The following ABCA12 variants were observed in gnomAD, a reference collection of about 807,000 sequenced individuals.
ABCA12 encodes the protein ATP binding cassette subfamily A member 12.
A neutral mutation model predicts 293.5 loss-of-function variants in ABCA12; 156 were observed. That is an observed-to-expected ratio of 0.53 (90% CI 0.47 to 0.61). The LOEUF is 0.61. Ranked by LOEUF, ABCA12 falls within the 20% of genes least tolerant of loss-of-function variation. The pLI is 0.00. For missense variants in ABCA12, 2,797 were observed against 3,090.2 expected (o/e 0.91, Z 2.25); for synonymous variants, 1,063 against 1,108.0 (o/e 0.96, Z 0.81).
At chr2:215,089,618 A>T (rs1440842469) in intron 2 of ABCA12, among the ~76,000 whole-genome samples, 6 of 152,218 alleles carry the variant, frequency 3.9e-5, no homozygotes, top group African/African-American at 1.4e-4. Flanking sequence ...TTAACAGTGG[A>T]GGTCGCTAAA....
chr2:214,982,533 T>A, intron 29 of ABCA12, 150 bp from the exon 30 acceptor site: 1 of 635,680 alleles, frequency 1.6e-6, no homozygotes, highest in South Asian at 2.2e-5. Flanking sequence ...ATAATATAGT[T>A]TTCTATTATT....
chr2:215,069,842 T>C (rs543830380), intron 2 of ABCA12, among the ~76,000 whole-genome samples: 1 of 152,218 alleles, frequency 6.6e-6, no homozygotes, highest in East Asian at 1.9e-4. Flanking sequence ...CCTAGTAAAA[T>C]TGCGTCTTTT....
chr2:214,967,813 A>G (rs370383137), intron 38 of ABCA12, among the ~76,000 whole-genome samples: 1 of 152,154 alleles, frequency 6.6e-6, no homozygotes, highest in Non-Finnish European at 1.5e-5. Flanking sequence ...TCATCATGAA[A>G]TGGACATTAG....
intron 3 of ABCA12, among the ~76,000 whole-genome samples, chr2:215,055,145 C>G (rs1701395094): frequency 6.6e-6 from 1 of 151,978 alleles, no homozygotes; most frequent in Non-Finnish European, 1.5e-5. Context: ...AGAGAAAGGC[C>G]AAACATTTAT....
intron 20 of ABCA12, among the ~76,000 whole-genome samples, chr2:215,002,845 T>C (rs1700172681): frequency 6.6e-6 from 1 of 152,222 alleles, no homozygotes. Context: ...ACATGTGTAA[T>C]TATACAAACA....
chr2:214,961,672 T>G (rs1394308802), intron 39 of ABCA12: 2 of 152,164 alleles, frequency 1.3e-5, no homozygotes, highest in East Asian at 3.8e-4. Flanking sequence ...TCCAGTAGTA[T>G]TTCACACCGG....
intron 39 of ABCA12, among the ~76,000 whole-genome samples, chr2:214,965,764 C>T (rs971419608): frequency 3.3e-5 from 5 of 152,080 alleles, no homozygotes; most frequent in Admixed American, 2.6e-4. Context: ...GAAAAAGGAG[C>T]ACTTTTACAC....
chr2:214,978,412 G>C lies in ABCA12; in HGVS notation c.5032C>G (p.His1678Asp). 6.2e-7 allele frequency: 1 copy of C among 1,613,836 alleles called. No homozygotes were observed. The highest frequency in any genetic ancestry group is 8.5e-7 in the Non-Finnish European group (1 of 1,179,848). Residue 1678 changes from histidine to aspartate, a missense_variant, in exon 33 of 53, where the codon CAC becomes GAC. Coordinates refer to ENST00000272895, the MANE Select transcript of ABCA12 (RefSeq NM_173076.3). ...TTCCCAATTTTCTTTTGTGTTAAGT[G>C]CTCAAGACTCATAGCACTATTTTTT... ...SQKNSAMSLEHLTQKKIGNSN... is the reference protein window; with the variant it reads ...SQKNSAMSLEDLTQKKIGNSN...
intron 1 of ABCA12, among the ~76,000 whole-genome samples, chr2:215,137,664 T>C (rs946777734): frequency 6.6e-6 from 1 of 152,258 alleles, no homozygotes; most frequent in Non-Finnish European, 1.5e-5. Context: ...GTAGCTTTTC[T>C]ATACTAATAG....
intron 6 of ABCA12, among the ~76,000 whole-genome samples, chr2:215,048,926 C>A (rs921311474): frequency 1.3e-5 from 2 of 152,148 alleles, no homozygotes; most frequent in Non-Finnish European, 2.9e-5. Flanking sequence ...ACTGCATTTT[C>A]TCACTTATAA....
At position 215,019,524 on chromosome 2, in the gene ABCA12, C is replaced by T. The variant is rs770335368; in HGVS notation, c.1544+16G>A. ...AAAGAGATTTCACCAAGGAAGAAGA[C>T]AATGGAAAAACTTACTGATCCATAT... On this transcript the variant is annotated intron_variant, in intron 12 of 52. Transcript: ENST00000272895. 1 of 1,614,134 alleles carries T rather than the reference C, an allele frequency of 6.2e-7. No homozygotes were observed. Among genetic ancestry groups the T allele is most frequent in the Non-Finnish European group, 8.5e-7 (1 of 1,179,992 alleles).
intron 1 of ABCA12, among the ~76,000 whole-genome samples, chr2:215,122,414 T>C (rs1702826357): frequency 6.6e-6 from 1 of 152,218 alleles, no homozygotes; most frequent in Admixed American, 6.5e-5. Context: ...TATTTTGAAA[T>C]TAGGGCTTAA....
At chr2:215,009,440 G>C (rs1297307112) in intron 18 of ABCA12, among the ~76,000 whole-genome samples, 1 of 150,294 alleles carries the variant, frequency 6.7e-6, no homozygotes, top group Non-Finnish European at 1.5e-5. Context: ...ACCTGCACTT[G>C]TAACCCTGAA....
intron 3 of ABCA12, among the ~76,000 whole-genome samples, chr2:215,059,749 C>A (rs1327917828): frequency 6.6e-6 from 1 of 151,840 alleles, no homozygotes; most frequent in Non-Finnish European, 1.5e-5. Context: ...TGACACTGTG[C>A]AGATTATGTT....
chr2:214,997,939 T>C (rs1258827710), intron 22 of ABCA12, 130 bp from the exon 23 acceptor site: 15 of 673,506 alleles, frequency 2.2e-5, no homozygotes, highest in Admixed American at 4.8e-5. Context: ...TTGAAAATAA[T>C]CGGTATTACC....
At chr2:214,955,144 C>A (rs1698903925) in intron 43 of ABCA12, 58 bp downstream of exon 43, 1 of 1,577,664 alleles carries the variant, frequency 6.3e-7, no homozygotes, top group Non-Finnish European at 8.7e-7. Context: ...TAAATAAAAT[C>A]TTTCCACCTG....
In ABCA12 at chr2:214,956,746, A is replaced by G. The variant is rs1376941154; in HGVS notation, c.6150T>C (p.Ile2050=). 6.2e-7 allele frequency: 1 copy of G among 1,613,568 alleles called. No homozygotes were observed. The highest frequency in any genetic ancestry group is 8.5e-7 in the Non-Finnish European group (1 of 1,179,734). Residue 2050 remains isoleucine (I), a synonymous_variant, in exon 42 of 53, where the codon ATT becomes ATC. Coordinates refer to ENST00000272895, the MANE Select transcript of ABCA12 (RefSeq NM_173076.3). ...VFYLVPVAFS[I]GIIAIFKLPA... ...GTAATTTGAAAATCGCAATGATACC[A>G]ATTGAAAACGCTACAGGCACCAAGT...
Position 215,001,619 on chromosome 2 carries a change from T to A in ABCA12, c.2802A>T (p.Lys934Asn). Residue 934 changes from lysine (K) to asparagine (N), a missense_variant, in exon 21 of 53, where the codon AAA (lysine) becomes AAT (asparagine). Physicochemically the swap from Lys to Asn is moderately conservative, Grantham distance 94. This residue lies in a region of ABCA12 where 2,130 missense variants were observed against 2,427.0 expected (regional missense o/e 0.88). Transcript: ENST00000272895. ...CVLYDRIQAA[K>N]TIDEMEREAK... ...CCTCTCTCTCCATTTCATCTATGGT[T>A]TTTGCTGCCTGAATACGGTCATATA... 6 of 1,613,838 alleles carry A rather than the reference T, an allele frequency of 3.7e-6. No homozygotes were observed. Among genetic ancestry groups the A allele is most frequent in the Non-Finnish European group, 5.1e-6 (6 of 1,179,828 alleles).
In ABCA12 at chr2:214,998,805, G is replaced by A. The variant is rs1700085462; in HGVS notation, c.3180-996C>T. 2.0e-5 allele frequency among the ~76,000 whole-genome samples: 3 copies of A among 152,164 alleles called. No individual in the cohort carries two copies. In the South Asian group the frequency reaches 6.2e-4, roughly 31 times the overall value. On this transcript the variant is annotated intron_variant, in intron 22 of 52. Transcript: ENST00000272895. The stretch of plus-strand genomic sequence containing the variant: ...CCAGAGACCACACCTTAGGAGCCAT[G>A]GTTCTGACAATTGATGCCCTTATTT...
Sources: gnomAD v4.1 joint callset for allele counts (sites outside exome capture counted in the v4.1 genomes callset) on GRCh38, gnomAD v4.1.1 for gene constraint, gnomAD v4.1.1 regional missense constraint, MANE v1.5 for transcripts, NCBI Gene and HGNC (gene_info 2026-07-23, HGNC 2026-07-21) for gene names.